CALD1: variants seen among roughly 807,000 people sequenced by gnomAD.
The protein encoded by CALD1 is caldesmon 1, also known as caldesmon.
A neutral mutation model predicts 99.9 loss-of-function variants in CALD1; 33 were observed. The observed-to-expected ratio is 0.33, with a 90% CI of 0.25 to 0.44. The LOEUF (loss-of-function observed/expected upper bound fraction) is 0.44, where lower values mean the gene tolerates loss of function less well. Ranked by LOEUF, CALD1 falls within the 20% of genes least tolerant of loss-of-function variation. CALD1 has a pLI of 1.00. For synonymous variants in CALD1, 310 were observed against 325.0 expected, an observed-to-expected ratio of 0.95 and a Z score of 0.50; for missense variants, 861 against 962.1, an observed-to-expected ratio of 0.89 and a Z score of 1.39.
chr7:134,949,610 A>G (rs1196552277), intron 8 of CALD1, among the ~76,000 whole-genome samples: 1 of 152,194 alleles, frequency 6.6e-6, no homozygotes, highest in Non-Finnish European at 1.5e-5. Context: ...CATCTGGCAA[A>G]TATAGTACCA....
At chr7:134,767,122 A>G (rs1209466950) in intron 1 of CALD1, among the ~76,000 whole-genome samples, 31 of 152,172 alleles carry the variant, frequency 2.0e-4, no homozygotes. Context: ...GGGTTCAGAA[A>G]GGGACCAGAC....
At chr7:134,958,885 ATATATATATATATATATATATATAT>A (rs1404378364) in intron 11 of CALD1, among the ~76,000 whole-genome samples, 3 of 46,766 alleles carry the variant, frequency 6.4e-5, no homozygotes, top group Non-Finnish European at 1.5e-4. Context: ...ATATATATAT[ATATATATATATATATATATATATAT>A]TTAACTATAT....
intron 1 of CALD1, among the ~76,000 whole-genome samples, chr7:134,749,414 G>A (rs2131553693): frequency 1.3e-5 from 2 of 152,314 alleles, no homozygotes; most frequent in Non-Finnish European, 2.9e-5. Context: ...GAGGTCAGGA[G>A]TTCAAGACCA....
intron 3 of CALD1, among the ~76,000 whole-genome samples, chr7:134,884,301 C>T (rs895571421): frequency 6.6e-6 from 1 of 152,076 alleles, no homozygotes; most frequent in African/African-American, 2.4e-5. Context: ...GTATTCTCTC[C>T]ACTTGGAGAA....
In CALD1 at chr7:134,883,717, A is replaced by C. The variant is rs118089283; in HGVS notation, c.71+15913A>C. On this transcript the variant is annotated intron_variant, in intron 3 of 14. Coordinates refer to ENST00000361675, the MANE Select transcript of CALD1 (RefSeq NM_033138.4). ...GATTCTACAGAAGAGCATTTCTGAT[A>C]AATACAATTCATAAGGGTCAAACTG... Among the ~76,000 whole-genome samples, 137 of 152,358 alleles carry C rather than the reference A, an allele frequency of 9.0e-4. 3 individuals are homozygous for C. The East Asian group carries it at 0.022, about 24-fold the overall frequency.
chr7:134,851,272 A>G (rs1414851251), intron 2 of CALD1, among the ~76,000 whole-genome samples: 1 of 152,194 alleles, frequency 6.6e-6, no homozygotes, highest in Non-Finnish European at 1.5e-5. Flanking sequence ...CCCATAATAC[A>G]CGAACACTGC....
intron 8 of CALD1, 128 bp from the exon 9 acceptor site, chr7:134,950,246 A>G: frequency 1.3e-6 from 1 of 790,872 alleles, no homozygotes; most frequent in Admixed American, 2.7e-5. Flanking sequence ...GTGACCACCT[A>G]GAAGGGGAGT....
chr7:134,717,617 C>T, the CALD1 span, among the ~76,000 whole-genome samples: 1 of 152,328 alleles, frequency 6.6e-6, no homozygotes, highest in South Asian at 2.1e-4. Context: ...CTGGAGCATT[C>T]GCCCGCCTCC....
intron 3 of CALD1, among the ~76,000 whole-genome samples, chr7:134,894,264 G>A (rs921670362): frequency 2.0e-5 from 3 of 152,094 alleles, no homozygotes; most frequent in Non-Finnish European, 4.4e-5. Flanking sequence ...AAATGCGTTC[G>A]GGGTACCAAA....
intron 1 of CALD1, among the ~76,000 whole-genome samples, chr7:134,772,659 T>C (rs1392556388): frequency 6.6e-6 from 1 of 152,266 alleles, no homozygotes; most frequent in East Asian, 1.9e-4. Context: ...TTGAACTATA[T>C]GGTATCCAAT....
chr7:134,883,114 C>A lies in CALD1; in HGVS notation c.71+15310C>A, dbSNP rs188674328. ...CTCAAAGTACGTAAACCCAGAAGCA[C>A]AATCGAATAGCCTCAGAACTGTATT... On this transcript the variant is annotated intron_variant, in intron 3 of 14. Transcript: ENST00000361675. 5.0e-3 allele frequency among the ~76,000 whole-genome samples: 764 copies of A among 152,178 alleles called. 2 individuals are homozygous for A. Among genetic ancestry groups the A allele is most frequent in the Middle Eastern group, 0.02 (6 of 294 alleles).
chr7:134,774,581 G>A (rs1796902450), intron 1 of CALD1, among the ~76,000 whole-genome samples: 1 of 152,306 alleles, frequency 6.6e-6, no homozygotes, highest in African/African-American at 2.4e-5. Context: ...ACGCTATCTG[G>A]ACTTCTAACT....
intron 13 of CALD1, among the ~76,000 whole-genome samples, chr7:134,963,776 A>G (rs1189975212): frequency 6.6e-6 from 1 of 152,130 alleles, no homozygotes; most frequent in African/African-American, 2.4e-5. Context: ...TCAACTGTCA[A>G]CTTCTCGCAT....
intron 1 of CALD1, among the ~76,000 whole-genome samples, chr7:134,800,889 T>A (rs148775964): frequency 1.3e-5 from 2 of 152,014 alleles, no homozygotes; most frequent in East Asian, 3.8e-4. Flanking sequence ...CTAAAAAGTA[T>A]AATGAATACA....
intron 3 of CALD1, among the ~76,000 whole-genome samples, chr7:134,889,948 G>A (rs1986220): frequency 0.72 from 109,187 of 152,050 alleles, 39,578 homozygotes; most frequent in East Asian, 0.93. Flanking sequence ...TCACTCTGTC[G>A]CTCAGGTTGG....
chr7:134,928,428 CAAAAAAAAAAAA>C (rs11355152), intron 3 of CALD1, among the ~76,000 whole-genome samples: 7 of 55,650 alleles, frequency 1.3e-4, no homozygotes, highest in African/African-American at 1.5e-4. Flanking sequence ...GACTGGGTCT[CAAAAAAAAAAAA>C]AAAAAAAAAA....
intron 5 of CALD1, among the ~76,000 whole-genome samples, chr7:134,934,295 T>C (rs756630579): frequency 4.6e-5 from 7 of 152,150 alleles, no homozygotes; most frequent in Non-Finnish European, 8.8e-5. Context: ...GCCAGTAAAT[T>C]TGGCTGTCCA....
At chr7:134,884,029 G>A (rs2132446779) in intron 3 of CALD1, among the ~76,000 whole-genome samples, 1 of 151,944 alleles carries the variant, frequency 6.6e-6, no homozygotes, top group Admixed American at 6.5e-5. Flanking sequence ...TTGAACCTAG[G>A]AAGCGGAGGT....
chr7:134,939,823 G>A (rs1806285470), intron 6 of CALD1, among the ~76,000 whole-genome samples: 1 of 152,076 alleles, frequency 6.6e-6, no homozygotes. Flanking sequence ...AATTATCTGG[G>A]TGTGGTGTTG....
Sources: gnomAD v4.1 joint callset for allele counts (sites outside exome capture counted in the v4.1 genomes callset) on GRCh38, gnomAD v4.1.1 for gene constraint, MANE v1.5 for transcripts, NCBI Gene and HGNC (gene_info 2026-07-23, HGNC 2026-07-21) for gene names.